The following SLC16A7 variants were observed in gnomAD, a reference collection of about 807,000 sequenced individuals.
SLC16A7 encodes the protein solute carrier family 16 member 7, also known as monocarboxylate transporter 2.
A neutral mutation model predicts 34.9 loss-of-function variants in SLC16A7; 33 were observed. That is an observed-to-expected ratio of 0.94 (90% CI 0.72 to 1.26). The LOEUF (loss-of-function observed/expected upper bound fraction) is 1.26. Among genes scored for constraint, SLC16A7 ranks in the 50% most tolerant of loss-of-function variants. SLC16A7 has a pLI of 0.00. For synonymous variants in SLC16A7, 201 were observed against 206.6 expected, an observed-to-expected ratio of 0.97 and a Z score of 0.23; for missense variants, 573 against 578.1, an observed-to-expected ratio of 0.99 and a Z score of 0.09.
At chr12:59,731,838 A>G (rs558562497) in intron 3 of SLC16A7, among the ~76,000 whole-genome samples, 1 of 152,306 alleles carries the variant, frequency 6.6e-6, no homozygotes, top group South Asian at 2.1e-4. Flanking sequence ...GAGGCAAAAG[A>G]TATAGGGTCA....
At position 59,783,432 on chromosome 12, in the gene SLC16A7, C is replaced by T. The variant is rs548317813; in HGVS notation, c.*3753C>T. ...AAGGTAGTATGAACCAAAATTAAAACTCAGGTTTACGTAACCAGAAAGATC... is the reference window on the plus strand; with the variant it reads ...AAGGTAGTATGAACCAAAATTAAAATTCAGGTTTACGTAACCAGAAAGATC... On this transcript the variant is annotated 3_prime_UTR_variant, in exon 6 of 6. Coordinates refer to ENST00000547379, the MANE Select transcript of SLC16A7 (RefSeq NM_001270623.2). The T allele has an allele frequency of 6.6e-6, 1 of 152,200 alleles. No homozygotes were observed. The highest frequency in any genetic ancestry group is 2.1e-4 in the South Asian group (1 of 4,818). The allele number at this position is 152,200 out of a possible 1,614,324, so 9.4% of individuals were successfully genotyped here.
chr12:59,754,876 G>A (rs972899316), intron 3 of SLC16A7, among the ~76,000 whole-genome samples: 38 of 152,160 alleles, frequency 2.5e-4, no homozygotes, highest in African/African-American at 7.0e-4. Flanking sequence ...CTGGCAAAAC[G>A]AATCCACCAG....
chr12:59,735,194 G>T (rs116894802), intron 3 of SLC16A7, among the ~76,000 whole-genome samples: 2,784 of 152,268 alleles, frequency 0.018, 46 homozygotes, highest in Middle Eastern at 0.044. Flanking sequence ...CTACCTCGAA[G>T]ACATAGTTTT....
intron 2 of SLC16A7, among the ~76,000 whole-genome samples, chr12:59,684,107 T>C (rs1479547890): frequency 6.6e-6 from 1 of 152,154 alleles, no homozygotes; most frequent in Non-Finnish European, 1.5e-5. Context: ...CATGAAACTT[T>C]GAAGTAAAGA....
intron 2 of SLC16A7, among the ~76,000 whole-genome samples, chr12:59,694,531 A>G (rs941508834): frequency 1.3e-5 from 2 of 151,806 alleles, no homozygotes; most frequent in African/African-American, 4.8e-5. Flanking sequence ...TTTGAAAAGA[A>G]CACAACATAA....
chr12:59,720,884 CT>C (rs1875498856), intron 3 of SLC16A7, among the ~76,000 whole-genome samples: 1 of 152,074 alleles, frequency 6.6e-6, no homozygotes. Context: ...TCCTTACCAT[CT>C]AAACTTCAGA....
At chr12:59,771,121 A>G (rs1882179175) in intron 3 of SLC16A7, 98 bp from the exon 4 acceptor site, 2 of 1,188,218 alleles carry the variant, frequency 1.7e-6, no homozygotes, top group Non-Finnish European at 2.4e-6. Context: ...CTGACCATTA[A>G]AATGTGCTTT....
chr12:59,764,746 G>C (rs2137407867), intron 3 of SLC16A7, among the ~76,000 whole-genome samples: 1 of 152,208 alleles, frequency 6.6e-6, no homozygotes, highest in Non-Finnish European at 1.5e-5. Context: ...TGGACATTTG[G>C]GTTGGTTCCA....
intron 1 of SLC16A7, among the ~76,000 whole-genome samples, chr12:59,599,347 C>T (rs371387067): frequency 1.4e-4 from 21 of 152,132 alleles, no homozygotes; most frequent in African/African-American, 4.8e-4. Flanking sequence ...TTTGAGGATT[C>T]CTTTTCCTTG....
intron 1 of SLC16A7, among the ~76,000 whole-genome samples, chr12:59,610,815 T>C (rs2136966664): frequency 6.6e-6 from 1 of 152,362 alleles, no homozygotes; most frequent in African/African-American, 2.4e-5. Flanking sequence ...ATAATATATG[T>C]TTCTAACTGT....
chr12:59,787,859 T>A lies in SLC16A7; in HGVS notation c.*8180T>A, dbSNP rs1883731437. The stretch of plus-strand genomic sequence containing the variant: ...CCTCAGTAGTTGCAGTGAGTGCATT[T>A]ACTAATATAAGGATCCTTCTTTGTA... On this transcript the variant is annotated 3_prime_UTR_variant, in exon 6 of 6. Coordinates refer to ENST00000547379, the MANE Select transcript of SLC16A7 (RefSeq NM_001270623.2). The A allele has an allele frequency of 6.6e-6, 1 of 152,180 alleles. No individual in the cohort carries two copies. The highest frequency in any genetic ancestry group is 2.4e-5 in the African/African-American group (1 of 41,456). 9.4% of individuals were successfully genotyped at this position (152,180 alleles called of 1,614,324 possible).
chr12:59,780,285 A>G lies in SLC16A7; in HGVS notation c.*606A>G, dbSNP rs1391217642. The G allele has an allele frequency of 6.6e-6, 1 of 152,096 alleles. No homozygotes were observed. The highest frequency in any genetic ancestry group is 1.5e-5 in the Non-Finnish European group (1 of 67,996). The allele number at this position is 152,096 out of a possible 1,614,324, so 9.4% of individuals were successfully genotyped here. A position where few individuals can be genotyped will look rare whatever the true frequency, so the allele number is the denominator to read the frequency against. On this transcript the variant is annotated 3_prime_UTR_variant, in exon 6 of 6. Coordinates refer to ENST00000547379, the MANE Select transcript of SLC16A7 (RefSeq NM_001270623.2). ...ACATATGTCTGCGTGCTACTTTACA[A>G]TGTTGGTTTTAAAGATAAGCACATG... is the stretch of plus-strand genomic sequence containing the variant.
chr12:59,734,814 C>CA (rs1216893822), intron 3 of SLC16A7, among the ~76,000 whole-genome samples: 1 of 152,040 alleles, frequency 6.6e-6, no homozygotes. Context: ...ATGTTAAATT[C>CA]AAAAAAATAT....
chr12:59,656,916 C>T (rs1280691164), intron 2 of SLC16A7, among the ~76,000 whole-genome samples: 1 of 151,920 alleles, frequency 6.6e-6, no homozygotes, highest in Non-Finnish European at 1.5e-5. Flanking sequence ...GTGTTAGGTT[C>T]AAATGCTGCC....
intron 1 of SLC16A7, among the ~76,000 whole-genome samples, chr12:59,640,645 AT>A (rs1009427178): frequency 2.6e-5 from 4 of 151,826 alleles, no homozygotes; most frequent in African/African-American, 4.8e-5. Context: ...ATTGTGTAGG[AT>A]TTTTTTTCAA....
At position 59,649,185 on chromosome 12, in the gene SLC16A7, C is replaced by T. The variant is rs564826037; in HGVS notation, c.-129-5967C>T. ...AAACAATTTGGAGACAAACTAATGT[C>T]TCAGGAATAAGGAAGTTTGCTTATT... On this transcript the variant is annotated intron_variant, in intron 1 of 5. Transcript: ENST00000547379. Among the ~76,000 whole-genome samples the T allele has an allele frequency of 4.6e-5, 7 of 152,118 alleles. No individual in the cohort carries two copies. The South Asian group carries it at 1.5e-3, about 32-fold the overall frequency.
intron 3 of SLC16A7, among the ~76,000 whole-genome samples, chr12:59,758,625 G>T (rs913693387): frequency 2.0e-5 from 3 of 152,074 alleles, no homozygotes; most frequent in African/African-American, 7.2e-5. Flanking sequence ...GAATCATAAT[G>T]ATTACCAGTT....
In SLC16A7 at chr12:59,644,690, A is replaced by G. The variant is rs12424165; in HGVS notation, c.-129-10462A>G. Among the ~76,000 whole-genome samples, 1,270 of 152,294 alleles carry G rather than the reference A, an allele frequency of 8.3e-3. 37 individuals carry two copies. The highest frequency in any genetic ancestry group is 0.058 in the Admixed American group (880 of 15,290). On this transcript the variant is annotated intron_variant, in intron 1 of 5. Transcript: ENST00000547379. ...AATTTCTGATTGCAAAAAAATTTCT[A>G]AGTTAATGATCTGTTTATTTGATTT...
In SLC16A7 at chr12:59,780,102, G is replaced by T. The variant is rs1254343639; in HGVS notation, c.*423G>T. The stretch of plus-strand genomic sequence containing the variant: ...ATTTGATATTAAAGTATGAGATAGA[G>T]TTGAGAGACAATTAATTATCCCCTC... On this transcript the variant is annotated 3_prime_UTR_variant, in exon 6 of 6. Transcript: ENST00000547379. 1 of 157,708 alleles carries T rather than the reference G, an allele frequency of 6.3e-6. No homozygotes were observed. Among genetic ancestry groups the T allele is most frequent in the Non-Finnish European group, 1.4e-5 (1 of 71,494 alleles). The allele number at this position is 157,708 out of a possible 1,614,324, so 9.8% of individuals were successfully genotyped here.
Sources: allele counts gnomAD v4.1 joint callset (sites outside exome capture counted in the v4.1 genomes callset), GRCh38; gene constraint gnomAD v4.1.1; transcripts MANE v1.5; gene names NCBI Gene and HGNC (gene_info 2026-07-23, HGNC 2026-07-21).